The following MBNL2 variants were observed in gnomAD, a reference collection of about 807,000 sequenced individuals.
MBNL2 encodes muscleblind like splicing regulator 2, also known as muscleblind-like protein 2.
A neutral mutation model predicts 41.9 loss-of-function variants in MBNL2; 17 were observed. That is an observed-to-expected ratio of 0.41 (90% CI 0.28 to 0.61). MBNL2 has a LOEUF of 0.61. Among genes scored for constraint, MBNL2 ranks in the 20% least tolerant of loss-of-function variants. The pLI is 0.35. For missense variants in MBNL2, 336 were observed against 505.6 expected (o/e 0.66, Z 3.22); for synonymous variants, 195 against 182.9 (o/e 1.07, Z -0.53).
At chr13:97,195,904 G>A in the MBNL2 span, among the ~76,000 whole-genome samples, 81 of 152,054 alleles carry the variant, frequency 5.3e-4, no homozygotes, top group African/African-American at 2.0e-3. Flanking sequence ...GTACTACACT[G>A]GACAACATCA....
At chr13:97,164,522 T>C in the MBNL2 span, among the ~76,000 whole-genome samples, 1 of 152,178 alleles carries the variant, frequency 6.6e-6, no homozygotes, top group East Asian at 1.9e-4. Context: ...ACAATTTAAA[T>C]GCCTAATTGC....
Position 97,346,942 on chromosome 13 carries a change from A to C in MBNL2, c.679A>C (p.Met227Leu). 1 of 1,614,142 alleles carries C rather than the reference A, an allele frequency of 6.2e-7. No individual in the cohort carries two copies. Among genetic ancestry groups the C allele is most frequent in the Non-Finnish European group, 8.5e-7 (1 of 1,179,962 alleles). ...TATGGATTACATAAAGGGGCGTTGCATGAGGGAGAAATGCAAATATTTTCA... is the reference window on the plus strand; with the variant it reads ...TATGGATTACATAAAGGGGCGTTGCCTGAGGGAGAAATGCAAATATTTTCA... ...VCMDYIKGRC[M>L]REKCKYFHPP... is the part of the protein sequence containing the mutation. Residue 227 changes from methionine to leucine, a missense_variant, in exon 5 of 9, where the codon ATG becomes CTG. Transcript: ENST00000679496. The surrounding 1 kb of genome is among the most constrained non-coding windows in gnomAD (Gnocchi z 4.2).
chr13:97,364,488 T>G (rs1235552073), intron 7 of MBNL2, among the ~76,000 whole-genome samples: 1 of 152,184 alleles, frequency 6.6e-6, no homozygotes, highest in East Asian at 1.9e-4. Context: ...TCAGTCTTCT[T>G]AGGTTATTGG....
At chr13:97,225,201 C>T (rs938625404) in intron 1 of MBNL2, among the ~76,000 whole-genome samples, 2 of 152,178 alleles carry the variant, frequency 1.3e-5, no homozygotes, top group African/African-American at 2.4e-5. Context: ...AGATCAGGTA[C>T]TCAAGATTCC....
chr13:97,327,954 C>G (rs2060047949), intron 2 of MBNL2, among the ~76,000 whole-genome samples: 1 of 152,118 alleles, frequency 6.6e-6, no homozygotes. Context: ...GATGATGAAG[C>G]TTAGGGAATG....
At chr13:97,389,638 C>T (rs947294971) in intron 8 of MBNL2, among the ~76,000 whole-genome samples, 3 of 151,600 alleles carry the variant, frequency 2.0e-5, no homozygotes, top group Non-Finnish European at 4.4e-5. Context: ...GCCAGGAATT[C>T]AAGGCTTCAG....
At chr13:97,341,668 C>T (rs2061452628) in intron 3 of MBNL2, among the ~76,000 whole-genome samples, 1 of 152,178 alleles carries the variant, frequency 6.6e-6, no homozygotes, top group Admixed American at 6.5e-5. Context: ...ATTAGAACCA[C>T]CCCTTCTAGC....
chr13:97,357,735 T>G, intron 7 of MBNL2, 100 bp downstream of exon 7: 1 of 1,130,938 alleles, frequency 8.8e-7, no homozygotes, highest in East Asian at 2.3e-5. Context: ...CTTTTGAAGG[T>G]ATAATACAGT....
At chr13:97,373,268 T>G (rs190662424) in intron 8 of MBNL2, among the ~76,000 whole-genome samples, 2 of 152,288 alleles carry the variant, frequency 1.3e-5, no homozygotes, top group Admixed American at 1.3e-4. Context: ...TTATGCTGCC[T>G]AAGTCGTTTA....
intron 1 of MBNL2, among the ~76,000 whole-genome samples, chr13:97,245,297 A>C (rs2045234543): frequency 6.6e-6 from 1 of 152,152 alleles, no homozygotes; most frequent in Non-Finnish European, 1.5e-5. Context: ...TGCCAAGTCT[A>C]AGCTCCCAGG....
At chr13:97,234,271 G>A (rs2042898181) in intron 1 of MBNL2, among the ~76,000 whole-genome samples, 2 of 152,270 alleles carry the variant, frequency 1.3e-5, no homozygotes, top group Admixed American at 6.5e-5. Context: ...TTTAGGAGGC[G>A]AGCCCCTTCA....
chr13:97,280,284 G>A (rs574711963), intron 2 of MBNL2, among the ~76,000 whole-genome samples: 8 of 152,264 alleles, frequency 5.3e-5, no homozygotes, highest in South Asian at 2.1e-4. Flanking sequence ...ACATCAAGAA[G>A]GGGGTGCATA....
the MBNL2 span, among the ~76,000 whole-genome samples, chr13:97,194,297 C>T: frequency 0.051 from 7,807 of 152,234 alleles, 250 homozygotes; most frequent in African/African-American, 0.067. Context: ...ACCTTTATAT[C>T]TTCAATGCCT....
At chr13:97,249,891 G>T (rs2046189396) in intron 1 of MBNL2, among the ~76,000 whole-genome samples, 1 of 152,186 alleles carries the variant, frequency 6.6e-6, no homozygotes, top group Admixed American at 6.5e-5. Context: ...GAAGCCAATT[G>T]ATTTGTTTGT....
At chr13:97,375,949 GA>G (rs2064928107) in intron 8 of MBNL2, among the ~76,000 whole-genome samples, 1 of 152,136 alleles carries the variant, frequency 6.6e-6, no homozygotes, top group African/African-American at 2.4e-5. Flanking sequence ...GGCAGTCCTA[GA>G]AATTGCAGCT....
chr13:97,347,073 T>C lies in MBNL2; in HGVS notation c.804+6T>C. 1 of 1,549,292 alleles carries C rather than the reference T, an allele frequency of 6.5e-7. No homozygotes were observed. Among genetic ancestry groups the C allele is most frequent in the Non-Finnish European group, 8.7e-7 (1 of 1,150,182 alleles). ...CGGCCGCGGCCACAGTCATGGTAAG[T>C]GCGGCCGCCCGCCGCCCCTGCACCC... is the stretch of plus-strand genomic sequence containing the variant. On this transcript the variant is annotated splice_donor_region_variant and intron_variant, in intron 5 of 8. Transcript: ENST00000679496.
chr13:97,361,758 ATTTTTTTTTT>A (rs71117641), intron 7 of MBNL2, among the ~76,000 whole-genome samples: 3 of 56,316 alleles, frequency 5.3e-5, no homozygotes, highest in African/African-American at 1.4e-4. Flanking sequence ...TATAGGCGTA[ATTTTTTTTTT>A]TTTTTTTTTT....
the MBNL2 span, among the ~76,000 whole-genome samples, chr13:97,197,199 C>T: frequency 6.6e-6 from 1 of 152,144 alleles, no homozygotes; most frequent in East Asian, 1.9e-4. Flanking sequence ...TAGGTAGATA[C>T]ATTGTCTTGA....
chr13:97,363,240 G>T (rs1454339226), intron 7 of MBNL2: 1 of 152,364 alleles, frequency 6.6e-6, no homozygotes, highest in Non-Finnish European at 1.5e-5. Context: ...ATCTGCGTGG[G>T]ATACACAAAC....
Sources: allele counts gnomAD v4.1 joint callset (sites outside exome capture counted in the v4.1 genomes callset), GRCh38; gene constraint gnomAD v4.1.1; non-coding constraint Gnocchi (gnomAD v3.1); transcripts MANE v1.5; gene names NCBI Gene and HGNC (gene_info 2026-07-23, HGNC 2026-07-21).